The following REPS2 variants were observed in gnomAD, a reference collection of about 807,000 sequenced individuals.
REPS2 encodes ralBP1-associated Eps domain-containing protein 2.
Under a neutral mutation model 53.6 loss-of-function variants are expected in REPS2, and 23 were observed. The ratio of observed to expected loss-of-function variants is 0.43; its 90% CI spans 0.31 to 0.61. The LOEUF (loss-of-function observed/expected upper bound fraction) is 0.61, where lower values mean the gene tolerates loss of function less well. REPS2 is among the 20% of genes least tolerant of loss of function. The probability of loss-of-function intolerance (pLI) is 0.11; values close to 1 mark genes in which losing one functional copy is unlikely to be tolerated. For synonymous variants in REPS2, 238 were observed against 218.6 expected (o/e 1.09, Z -0.78); for missense variants, 446 against 534.9 (o/e 0.83, Z 1.64).
intron 3 of REPS2, among the ~76,000 whole-genome samples, chrX:17,024,158 C>T (rs1209092832): frequency 1.1e-4 from 12 of 106,742 alleles, no homozygotes; most frequent in African/African-American, 3.1e-4. Context: ...TGTGTGGTGG[C>T]GCATGCCTGT....
In REPS2 at chrX:16,957,103, C is replaced by G. The variant is rs183340022; in HGVS notation, c.273+9969C>G. Among the ~76,000 whole-genome samples the G allele has an allele frequency of 5.6e-4, 63 of 112,359 alleles. No individual in the cohort carries two copies. The Admixed American group carries it at 5.9e-3, about 11-fold the overall frequency. On this transcript the variant is annotated intron_variant, in intron 1 of 17. Transcript: ENST00000357277. ...ATAATTAAAGTGAATCCCATAAATG[C>G]CAGCAATTAAGAATTGTTGTTTTTG...
At chrX:17,134,142 C>A (rs924713568) in intron 15 of REPS2, among the ~76,000 whole-genome samples, 1 of 111,670 alleles carries the variant, frequency 9.0e-6, no homozygotes, top group African/African-American at 3.3e-5. Flanking sequence ...AGCCCCCCAG[C>A]TAAACATGGT....
intron 1 of REPS2, among the ~76,000 whole-genome samples, chrX:16,951,891 A>G (rs1370550004): frequency 8.9e-6 from 1 of 111,928 alleles, no homozygotes; most frequent in Non-Finnish European, 1.9e-5. Context: ...AATTTTTTTA[A>G]CATATACACA....
chrX:17,006,078 T>C, intron 1 of REPS2, 143 bp from the exon 2 acceptor site: 1 of 537,627 alleles, frequency 1.9e-6, no homozygotes, highest in Non-Finnish European at 3.0e-6. Context: ...GAAGAGGAAA[T>C]TGACCAGTGG....
chrX:17,063,205 G>A (rs1292393765), intron 9 of REPS2, among the ~76,000 whole-genome samples: 2 of 111,731 alleles, frequency 1.8e-5, no homozygotes, highest in Non-Finnish European at 1.9e-5. Context: ...TATGATTACT[G>A]TGATGACAAT....
At chrX:17,131,346 C>T (rs754860298) in intron 14 of REPS2, among the ~76,000 whole-genome samples, 2 of 111,163 alleles carry the variant, frequency 1.8e-5, no homozygotes, top group Admixed American at 1.9e-4. Flanking sequence ...GAGGAGAAGA[C>T]GAGAAGAGGT....
rs550204724 is a variant in REPS2 at position 17,151,431 on chromosome X, A to G, written c.*3950A>G. Reference sequence around the variant, plus strand: ...GTACTCAGAAGATCAATAAGGTAATATTGGAATTCATGTGTTTTTTGCAAT... The same window carrying G: ...GTACTCAGAAGATCAATAAGGTAATGTTGGAATTCATGTGTTTTTTGCAAT... On this transcript the variant is annotated 3_prime_UTR_variant, in exon 18 of 18. Coordinates refer to ENST00000357277, the MANE Select transcript of REPS2 (RefSeq NM_004726.3). The G allele has an allele frequency of 4.4e-5, 5 of 112,786 alleles. No individual in the cohort carries two copies. In the South Asian group the frequency reaches 1.5e-3, roughly 33 times the overall value. The allele number at this position is 112,786 out of a possible 1,213,427, so 9.3% of individuals were successfully genotyped here.
rs1253559462 is a variant in REPS2, at chrX:17,024,561, T to TA, written c.547-487dup. Among the ~76,000 whole-genome samples, 466 of 100,894 alleles carry TA rather than the reference T, an allele frequency of 4.6e-3. 4 individuals are homozygous for TA. The highest frequency in any genetic ancestry group is 0.013 in the African/African-American group (377 of 27,976). 87.6% of individuals were successfully genotyped at this position (100,894 alleles called of 115,157 possible). On this transcript the variant is annotated intron_variant, in intron 3 of 17. Coordinates refer to ENST00000357277, the MANE Select transcript of REPS2 (RefSeq NM_004726.3). ...GAATTGTTTTGCAGTCTCTCATTGT[T>TA]AAAAAAAAAAAGCTAGCATTTTACT...
At chrX:16,968,153 T>TG (rs1175551925) in intron 1 of REPS2, among the ~76,000 whole-genome samples, 2 of 111,296 alleles carry the variant, frequency 1.8e-5, no homozygotes, top group East Asian at 5.7e-4. Flanking sequence ...AGCACCGGGT[T>TG]GGGGGTAAGG....
intron 1 of REPS2, among the ~76,000 whole-genome samples, chrX:16,964,465 A>T (rs901495638): frequency 3.7e-5 from 4 of 108,244 alleles, no homozygotes; most frequent in African/African-American, 1.0e-4. Context: ...CGATTTCTCA[A>T]TCTTTTCCCC....
chrX:17,133,312 T>C (rs1165264585), intron 14 of REPS2, among the ~76,000 whole-genome samples: 1 of 111,624 alleles, frequency 9.0e-6, no homozygotes, highest in African/African-American at 3.3e-5. Flanking sequence ...TGCAGTGGAA[T>C]GTAGGTGCTG....
intron 1 of REPS2, among the ~76,000 whole-genome samples, chrX:16,984,619 C>T (rs370929658): frequency 3.6e-5 from 4 of 112,026 alleles, no homozygotes; most frequent in African/African-American, 1.3e-4. Flanking sequence ...ATTCCAAACA[C>T]CTGTTTTGTA....
chrX:17,106,680 C>T (rs1461961795), intron 14 of REPS2, among the ~76,000 whole-genome samples: 2 of 111,489 alleles, frequency 1.8e-5, no homozygotes, highest in African/African-American at 6.5e-5. Context: ...TTCCAAAGTG[C>T]TGGGATTACA....
chrX:17,079,371 A>G (rs1277807354), intron 13 of REPS2, among the ~76,000 whole-genome samples: 1 of 111,406 alleles, frequency 9.0e-6, no homozygotes, highest in African/African-American at 3.3e-5. Context: ...CCTCCTACCC[A>G]GTTTCTCAGA....
At chrX:17,029,385 T>TG (rs1602727864) in intron 4 of REPS2, 141 bp from the exon 5 acceptor site, 2 of 427,837 alleles carry the variant, frequency 4.7e-6, no homozygotes. Flanking sequence ...AATCAGGGGT[T>TG]GTCAGTCCTA....
At chrX:17,172,398 G>A in the REPS2 span, among the ~76,000 whole-genome samples, 1 of 111,282 alleles carries the variant, frequency 9.0e-6, no homozygotes. Context: ...AAAGTGTGTA[G>A]CACCTCCCCC....
rs978968288 is a variant in REPS2 at position 17,151,829 on chromosome X, A to G, written c.*4348A>G. 1 of 111,532 alleles carries G rather than the reference A, an allele frequency of 9.0e-6. No individual in the cohort carries two copies. Among genetic ancestry groups the G allele is most frequent in the Non-Finnish European group, 1.9e-5 (1 of 53,102 alleles). The allele number at this position is 111,532 out of a possible 1,213,427, so 9.2% of individuals were successfully genotyped here. A position where few individuals can be genotyped will look rare whatever the true frequency, so the allele number is the denominator to read the frequency against. ...GTATTCTTTTAAAACTCTGATTTCA[A>G]AGGATCAGTTGAATTTATACTTTAG... On this transcript the variant is annotated 3_prime_UTR_variant, in exon 18 of 18. Transcript: ENST00000357277.
In REPS2 at chrX:17,138,970, T is replaced by A; in HGVS notation, c.1914+9T>A. On this transcript the variant is annotated intron_variant, in intron 17 of 17. Coordinates refer to ENST00000357277, the MANE Select transcript of REPS2 (RefSeq NM_004726.3). ...TCCAGCAGCAGCTCAAGGTAAGGAA[T>A]GAGTCCCAGATTTGGATGACCAGGC... 1 of 1,121,553 alleles carries A rather than the reference T, an allele frequency of 8.9e-7. No homozygotes were observed. Among genetic ancestry groups the A allele is most frequent in the Non-Finnish European group, 1.2e-6 (1 of 832,059 alleles). 92.4% of individuals were successfully genotyped at this position (1,121,553 alleles called of 1,213,427 possible). A position where few individuals can be genotyped will look rare whatever the true frequency, so the allele number is the denominator to read the frequency against.
At chrX:17,178,557 G>C in the REPS2 span, among the ~76,000 whole-genome samples, 4 of 112,237 alleles carry the variant, frequency 3.6e-5, no homozygotes, top group Non-Finnish European at 7.5e-5. Flanking sequence ...GGAAGTCCCT[G>C]TGGGTCCCTA....
Sources: gnomAD v4.1 joint callset for allele counts (sites outside exome capture counted in the v4.1 genomes callset) on GRCh38, gnomAD v4.1.1 for gene constraint, MANE v1.5 for transcripts, NCBI Gene and HGNC (gene_info 2026-07-23, HGNC 2026-07-21) for gene names.